The following ABCA13 variants were observed in gnomAD, a reference collection of about 807,000 sequenced individuals.
ABCA13 encodes the protein ATP binding cassette subfamily A member 13.
Under a neutral mutation model 478.7 loss-of-function variants are expected in ABCA13, and 476 were observed. The observed-to-expected ratio is 0.99, with a 90% CI of 0.92 to 1.07. The LOEUF (loss-of-function observed/expected upper bound fraction) is 1.07, where lower values mean the gene tolerates loss of function less well. Ranked by LOEUF, ABCA13 falls within the 50% of genes least tolerant of loss-of-function variation. The probability of loss-of-function intolerance (pLI) is 0.00; values close to 1 mark genes in which losing one functional copy is unlikely to be tolerated. For missense variants in ABCA13, 6,060 were observed against 5,910.6 expected (o/e 1.03, Z -0.83); for synonymous variants, 2,252 against 2,158.9 (o/e 1.04, Z -1.20).
chr7:48,289,191 G>T (rs1407251390), intron 20 of ABCA13, among the ~76,000 whole-genome samples: 1 of 152,080 alleles, frequency 6.6e-6, no homozygotes, highest in Admixed American at 6.5e-5. Context: ...GCCTTTGGAG[G>T]AGTGGTGCCT....
chr7:48,424,957 T>C (rs188846126), intron 41 of ABCA13, among the ~76,000 whole-genome samples: 1 of 152,308 alleles, frequency 6.6e-6, no homozygotes, highest in Non-Finnish European at 1.5e-5. Flanking sequence ...GCAGTTAAGG[T>C]GAGTTGCCAC....
chr7:48,217,040 A>G (rs538909231), intron 3 of ABCA13, among the ~76,000 whole-genome samples: 61 of 152,322 alleles, frequency 4.0e-4, no homozygotes, highest in Non-Finnish European at 6.3e-4. Context: ...TTGATTTCTC[A>G]AAGAACTAAG....
intron 45 of ABCA13, among the ~76,000 whole-genome samples, chr7:48,476,767 G>A (rs2130435969): frequency 6.6e-6 from 1 of 152,260 alleles, no homozygotes; most frequent in East Asian, 1.9e-4. Flanking sequence ...GGAAATATAT[G>A]ACCAGGTAAG....
At position 48,536,418 on chromosome 7, in the gene ABCA13, T is replaced by C. The variant is rs1833586448; in HGVS notation, c.14354+8073T>C. 1.3e-5 allele frequency among the ~76,000 whole-genome samples: 2 copies of C among 152,076 alleles called. 1 individual carries two copies. The highest frequency in any genetic ancestry group is 4.1e-4 in the South Asian group (2 of 4,822). On this transcript the variant is annotated intron_variant, in intron 55 of 61. Transcript: ENST00000435803. ...ATCCCAGCATTATGGGAGGCCGAGG[T>C]GGGAGGATCACCTGAGGTCAGAAGT...
intron 31 of ABCA13, among the ~76,000 whole-genome samples, chr7:48,359,715 A>G (rs1343940038): frequency 1.3e-5 from 2 of 151,968 alleles, no homozygotes; most frequent in Non-Finnish European, 2.9e-5. Context: ...CACTTGCCTC[A>G]AAGTCCTACA....
chr7:48,581,016 G>A (rs1176426029), intron 56 of ABCA13, among the ~76,000 whole-genome samples: 6 of 152,132 alleles, frequency 3.9e-5, no homozygotes, highest in Admixed American at 6.5e-5. Context: ...GAAGCAGAGC[G>A]GACAGCCTTG....
intron 59 of ABCA13, among the ~76,000 whole-genome samples, chr7:48,631,454 G>C (rs964430180): frequency 6.6e-6 from 1 of 152,090 alleles, no homozygotes; most frequent in Non-Finnish European, 1.5e-5. Flanking sequence ...CTAAAGATTA[G>C]ATAGTTGTAG....
intron 38 of ABCA13, among the ~76,000 whole-genome samples, chr7:48,400,018 C>T (rs1585158138): frequency 6.6e-6 from 1 of 151,736 alleles, no homozygotes; most frequent in East Asian, 1.9e-4. Flanking sequence ...ATTCTTTCTC[C>T]CCCAGGTCCT....
intron 48 of ABCA13, among the ~76,000 whole-genome samples, chr7:48,495,892 C>A (rs1830232330): frequency 6.6e-6 from 1 of 152,078 alleles, no homozygotes; most frequent in Non-Finnish European, 1.5e-5. Flanking sequence ...GCTGTGAAAT[C>A]TATTTTATCT....
At chr7:48,508,365 G>T (rs776718183) in intron 50 of ABCA13, among the ~76,000 whole-genome samples, 1 of 152,162 alleles carries the variant, frequency 6.6e-6, no homozygotes. Context: ...GGTAGCAGAT[G>T]AGGTGATAAA....
chr7:48,341,737 ATG>A (rs1219887041), intron 29 of ABCA13, among the ~76,000 whole-genome samples: 1 of 147,242 alleles, frequency 6.8e-6, no homozygotes, highest in Non-Finnish European at 1.5e-5. Context: ...GTGTGTGTGT[ATG>A]TGTGTGTGTT....
chr7:48,179,815 A>C (rs899164658), intron 1 of ABCA13, among the ~76,000 whole-genome samples: 1 of 152,186 alleles, frequency 6.6e-6, no homozygotes, highest in Non-Finnish European at 1.5e-5. Context: ...TCATTTTGTC[A>C]CATCAGCGGA....
rs771132768 is a variant in ABCA13 at position 48,481,020 on chromosome 7, T to G, written c.12976-16T>G. 6.5e-7 allele frequency: 1 copy of G among 1,542,966 alleles called. No individual in the cohort carries two copies. The highest frequency in any genetic ancestry group is 1.2e-5 in the South Asian group (1 of 83,314). On this transcript the variant is annotated splice_polypyrimidine_tract_variant and intron_variant, in intron 45 of 61. Coordinates refer to ENST00000435803, the MANE Select transcript of ABCA13 (RefSeq NM_152701.5). The stretch of plus-strand genomic sequence containing the variant: ...TATAAAAAAGTTTGTTTTTATCTTT[T>G]TGAAAACAATTTCAGAAGTGTCCAA...
Position 48,410,562 on chromosome 7 carries a change from A to G in ABCA13, c.12113A>G (p.Glu4038Gly), listed in dbSNP as rs1003281552. ...IFTTHHLDEA[E>G]ALSDRVAVLQ... Reference sequence around the variant, plus strand: ...ACAACCCACCACCTGGATGAAGCTGAAGCGCTGAGTGACCGCGTGGCCGTC... The same window carrying G: ...ACAACCCACCACCTGGATGAAGCTGGAGCGCTGAGTGACCGCGTGGCCGTC... Residue 4038 changes from glutamate (E) to glycine (G), a missense_variant, in exon 40 of 62, where the codon GAA becomes GGA. This residue lies in a region of ABCA13 where 1,627 missense variants were observed against 1,571.0 expected (regional missense o/e 1.04). Coordinates refer to ENST00000435803, the MANE Select transcript of ABCA13 (RefSeq NM_152701.5). The G allele has an allele frequency of 6.2e-7, 1 of 1,614,034 alleles. No homozygotes were observed. Among genetic ancestry groups the G allele is most frequent in the Non-Finnish European group, 8.5e-7 (1 of 1,179,886 alleles).
At chr7:48,422,055 CA>C (rs4022355) in intron 41 of ABCA13, among the ~76,000 whole-genome samples, 2,483 of 80,304 alleles carry the variant, frequency 0.031, 23 homozygotes, top group African/African-American at 0.058. Flanking sequence ...GTCTTTCTTA[CA>C]AAAAAAAAAA....
intron 41 of ABCA13, among the ~76,000 whole-genome samples, chr7:48,415,548 C>T (rs1159503634): frequency 3.3e-5 from 5 of 152,112 alleles, no homozygotes; most frequent in Admixed American, 2.6e-4. Context: ...GTGTTCACCC[C>T]CAATGTATTT....
intron 39 of ABCA13, among the ~76,000 whole-genome samples, chr7:48,406,647 T>C (rs10252830): frequency 0.33 from 49,918 of 151,832 alleles, 8,510 homozygotes; most frequent in Admixed American, 0.41. Flanking sequence ...CCAAGATGGG[T>C]GGATCACTTG....
chr7:48,215,597 C>T (rs1045141699), intron 3 of ABCA13, among the ~76,000 whole-genome samples: 2 of 151,998 alleles, frequency 1.3e-5, no homozygotes, highest in Non-Finnish European at 2.9e-5. Flanking sequence ...CTGTGAAGCA[C>T]AATAAAGCGA....
chr7:48,220,000 G>A (rs1787134788), intron 4 of ABCA13, among the ~76,000 whole-genome samples: 1 of 151,358 alleles, frequency 6.6e-6, no homozygotes, highest in Non-Finnish European at 1.5e-5. Context: ...AACCCTTTAA[G>A]ACTGGCCTTG....
Sources: allele counts gnomAD v4.1 joint callset (sites outside exome capture counted in the v4.1 genomes callset), GRCh38; gene constraint gnomAD v4.1.1; regional missense constraint gnomAD v4.1.1; transcripts MANE v1.5; gene names NCBI Gene and HGNC (gene_info 2026-07-23, HGNC 2026-07-21).